NFIX: variants seen among roughly 807,000 people sequenced by gnomAD.
NFIX encodes nuclear factor I X.
Under a neutral mutation model 53.3 loss-of-function variants are expected in NFIX, and 2 were observed. The observed-to-expected ratio is 0.04, with a 90% confidence interval of 0.02 to 0.12. The LOEUF (loss-of-function observed/expected upper bound fraction) is 0.12. Among genes scored for constraint, NFIX ranks in the 10% least tolerant of loss-of-function variants. The pLI, the probability that NFIX is intolerant of heterozygous loss-of-function variation, is 1.00. For synonymous variants in NFIX, 244 were observed against 289.0 expected (o/e 0.84, Z 1.58); for missense variants, 310 against 674.5 (o/e 0.46, Z 5.99).
At chr19:13,075,853 GA>G (rs2017068519) in intron 6 of NFIX, among the ~76,000 whole-genome samples, 182 bp downstream of exon 6, 1 of 152,218 alleles carries the variant, frequency 6.6e-6, no homozygotes, top group African/African-American at 2.4e-5. Flanking sequence ...GAGTGGAGGT[GA>G]GGGTGAGGAG....
At position 13,019,729 on chromosome 19, in the gene NFIX, TTG is replaced by T. The variant is rs1284777450; in HGVS notation, c.28-5290_28-5289del. 8.7e-3 allele frequency among the ~76,000 whole-genome samples: 1,243 copies of T among 143,416 alleles called. 24 individuals are homozygous for T. Among genetic ancestry groups the T allele is most frequent in the African/African-American group, 0.031 (1,203 of 39,006 alleles). 94.1% of individuals were successfully genotyped at this position (143,416 alleles called of 152,430 possible). A position where few individuals can be genotyped will look rare whatever the true frequency, so the allele number is the denominator to read the frequency against. The stretch of plus-strand genomic sequence containing the variant: ...TGTTGCTGGTTTTTTTTTTGTTTGT[TTG>T]TTTTTTTTTTTTTTTTACCAAATAG... On this transcript the variant is annotated intron_variant, in intron 1 of 10. Transcript: ENST00000592199.
Position 13,078,468 on chromosome 19 carries a change from A to G in NFIX, c.956-145A>G, listed in dbSNP as rs2017247534. The G allele has an allele frequency of 5.5e-6, 6 of 1,085,460 alleles. No individual in the cohort carries two copies. The highest frequency in any genetic ancestry group is 6.6e-6 in the Non-Finnish European group (5 of 763,218). The allele number at this position is 1,085,460 out of a possible 1,614,324, so 67.2% of individuals were successfully genotyped here. ...CCTAGAACAAGGCCTGGGACTGGGC[A>G]AGGAGCAGCAGGAGGGAGCACAGTG... is the stretch of plus-strand genomic sequence containing the variant. On this transcript the variant is annotated intron_variant, in intron 6 of 10. Coordinates refer to ENST00000592199, the MANE Select transcript of NFIX (RefSeq NM_001365902.3). The surrounding 1 kb of genome is among the most constrained non-coding windows in gnomAD (Gnocchi z 4.7).
rs1165587292 is a variant in NFIX at position 13,068,658 on chromosome 19, A to G, written c.560-4389A>G. Among the ~76,000 whole-genome samples, 3 of 152,230 alleles carry G rather than the reference A, an allele frequency of 2.0e-5. No individual in the cohort carries two copies. The highest frequency in any genetic ancestry group is 4.4e-5 in the Non-Finnish European group (3 of 68,032). ...GAGTGGCCCCAGAACCTGGAGCCAA[A>G]TCCCGTTTCAAAGGCTTCTTCAGCA... On this transcript the variant is annotated intron_variant, in intron 2 of 10. Transcript: ENST00000592199. The surrounding 1 kb of genome is among the most constrained non-coding windows in gnomAD (Gnocchi z 4.2).
At chr19:13,058,557 C>G (rs571515158) in intron 2 of NFIX, among the ~76,000 whole-genome samples, 2 of 149,860 alleles carry the variant, frequency 1.3e-5, no homozygotes, top group South Asian at 4.2e-4. Flanking sequence ...GCTGGGACCA[C>G]AGCTGCATGC....
rs2017931112 is a variant in NFIX, at chr19:13,088,495, T to C, written c.1402+359T>C. On this transcript the variant is annotated intron_variant, in intron 9 of 10. Coordinates refer to ENST00000592199, the MANE Select transcript of NFIX (RefSeq NM_001365902.3). This position sits in a 1 kb window ranked among gnomAD's most constrained non-coding sequence, Gnocchi z 5.9. Reference sequence around the variant, plus strand: ...ATCTTCATGCCTGATTGCTGTTTTTTTTTTTTTGTTTTTTGTTTTTGTTTT... The same window carrying C: ...ATCTTCATGCCTGATTGCTGTTTTTCTTTTTTTGTTTTTTGTTTTTGTTTT... 1.3e-5 allele frequency among the ~76,000 whole-genome samples: 2 copies of C among 151,644 alleles called. No individual in the cohort carries two copies. The highest frequency in any genetic ancestry group is 6.6e-5 in the Admixed American group (1 of 15,238).
rs185212521 is a variant in NFIX at position 13,013,301 on chromosome 19, C to T, written c.28-11720C>T. On this transcript the variant is annotated intron_variant, in intron 1 of 10. Coordinates refer to ENST00000592199, the MANE Select transcript of NFIX (RefSeq NM_001365902.3). The surrounding 1 kb of genome is among the most constrained non-coding windows in gnomAD (Gnocchi z 5.9). Reference sequence around the variant, plus strand: ...TGTTGGTGGAGGAGGAAGCTGGCGTCGGGCTGAAGTCCCCCGAGCCACCCC... The same window carrying T: ...TGTTGGTGGAGGAGGAAGCTGGCGTTGGGCTGAAGTCCCCCGAGCCACCCC... 6.6e-6 allele frequency among the ~76,000 whole-genome samples: 1 copy of T among 152,288 alleles called. No homozygotes were observed. The highest frequency in any genetic ancestry group is 1.9e-4 in the East Asian group (1 of 5,176).
chr19:13,081,596 C>T lies in NFIX; in HGVS notation c.1079-84C>T, dbSNP rs560893426. ...CTCAGGATCCTCAGGACCCTCTGAC[C>T]GGCAGCTCCCCTCCTCTCCTGTCCC... On this transcript the variant is annotated intron_variant, in intron 7 of 10. Coordinates refer to ENST00000592199, the MANE Select transcript of NFIX (RefSeq NM_001365902.3). This position sits in a 1 kb window ranked among gnomAD's most constrained non-coding sequence, Gnocchi z 4.7. The T allele has an allele frequency of 3.2e-4, 453 of 1,428,508 alleles. 3 individuals are homozygous for T. In the African/African-American group the frequency reaches 5.3e-3, roughly 17 times the overall value. 88.5% of individuals were successfully genotyped at this position (1,428,508 alleles called of 1,614,324 possible). A position where few individuals can be genotyped will look rare whatever the true frequency, so the allele number is the denominator to read the frequency against.
At position 13,096,232 on chromosome 19, in the gene NFIX, A is replaced by T. The variant is rs1438407410; in HGVS notation, c.*1583A>T. On this transcript the variant is annotated 3_prime_UTR_variant, in exon 11 of 11. Transcript: ENST00000592199. ...CTCTTTCTCTCTCTTTCTTAATTGT[A>T]TGAAAACACAAAGCACAGGTCAGGA... The T allele has an allele frequency of 6.5e-6, 1 of 152,696 alleles. No homozygotes were observed. The highest frequency in any genetic ancestry group is 2.4e-5 in the African/African-American group (1 of 41,408). The allele number at this position is 152,696 out of a possible 1,614,324, so 9.5% of individuals were successfully genotyped here. A position where few individuals can be genotyped will look rare whatever the true frequency, so the allele number is the denominator to read the frequency against.
Position 13,013,167 on chromosome 19 carries a change from C to T in NFIX, c.28-11854C>T, listed in dbSNP as rs944026746. On this transcript the variant is annotated intron_variant, in intron 1 of 10. Coordinates refer to ENST00000592199, the MANE Select transcript of NFIX (RefSeq NM_001365902.3). The surrounding 1 kb of genome is among the most constrained non-coding windows in gnomAD (Gnocchi z 5.9). The stretch of plus-strand genomic sequence containing the variant: ...ATTTCTTGAATTTGGGGCGTCGAGG[C>T]CTCCCCACCCGTTGCTACCAGCCCT... Among the ~76,000 whole-genome samples the T allele has an allele frequency of 2.0e-5, 3 of 152,154 alleles. No homozygotes were observed. Among genetic ancestry groups the T allele is most frequent in the Non-Finnish European group, 2.9e-5 (2 of 68,026 alleles).
intron 2 of NFIX, among the ~76,000 whole-genome samples, chr19:13,058,996 C>T (rs2015888380): frequency 6.6e-6 from 1 of 152,136 alleles, no homozygotes; most frequent in South Asian, 2.1e-4. Flanking sequence ...TTGTCCCATC[C>T]CCCATCCTCA....
At chr19:13,024,194 G>C (rs1199300505) in intron 1 of NFIX, among the ~76,000 whole-genome samples, 1 of 152,010 alleles carries the variant, frequency 6.6e-6, no homozygotes, top group African/African-American at 2.4e-5. Context: ...GGGTGAAGGG[G>C]TTGTGGGAGG....
chr19:13,042,579 A>T (rs755865455), intron 2 of NFIX, among the ~76,000 whole-genome samples: 1 of 151,866 alleles, frequency 6.6e-6, no homozygotes, highest in Non-Finnish European at 1.5e-5. Flanking sequence ...CCTGGTCTTG[A>T]ACTCCTGGCT....
At position 13,011,536 on chromosome 19, in the gene NFIX, G is replaced by A. The variant is rs1443415822; in HGVS notation, c.28-13485G>A. Among the ~76,000 whole-genome samples the A allele has an allele frequency of 3.3e-5, 5 of 152,168 alleles. No homozygotes were observed. Among genetic ancestry groups the A allele is most frequent in the Non-Finnish European group, 5.9e-5 (4 of 68,010 alleles). On this transcript the variant is annotated intron_variant, in intron 1 of 10. Coordinates refer to ENST00000592199, the MANE Select transcript of NFIX (RefSeq NM_001365902.3). The surrounding 1 kb of genome is among the most constrained non-coding windows in gnomAD (Gnocchi z 6.5). ...GGTGGGTTTTGGAGGGGTGGGAGCA[G>A]AGGCAGGGGGGTGTGCCGGGACTCC...
chr19:13,077,977 G>A (rs2145454821), intron 6 of NFIX, among the ~76,000 whole-genome samples: 1 of 152,302 alleles, frequency 6.6e-6, no homozygotes, highest in African/African-American at 2.4e-5. Context: ...TCCCCTGGCT[G>A]GGGGAGTCTT....
At chr19:13,062,596 C>T (rs2016163065) in intron 2 of NFIX, among the ~76,000 whole-genome samples, 1 of 152,176 alleles carries the variant, frequency 6.6e-6, no homozygotes, top group East Asian at 1.9e-4. Flanking sequence ...CTCATGCCTT[C>T]CAGAGCTAGA....
chr19:13,024,113 C>CAAAAAAAAAAAAAAACAAA, intron 1 of NFIX: 1 of 412,068 alleles, frequency 2.4e-6, no homozygotes, highest in Non-Finnish European at 4.1e-6. Flanking sequence ...AGCAAACAAC[C>CAAAAAAAAAAAAAAACAAA]AAAAAAAAAA....
chr19:13,079,253 C>T (rs959784007), intron 7 of NFIX, among the ~76,000 whole-genome samples: 3 of 152,106 alleles, frequency 2.0e-5, no homozygotes, highest in African/African-American at 7.2e-5. Flanking sequence ...GCCTCCCTGC[C>T]GCTTTCTAGA....
At position 13,028,451 on chromosome 19, in the gene NFIX, A is replaced by G. The variant is rs1178642309; in HGVS notation, c.559+2899A>G. On this transcript the variant is annotated intron_variant, in intron 2 of 10. Coordinates refer to ENST00000592199, the MANE Select transcript of NFIX (RefSeq NM_001365902.3). This position sits in a 1 kb window ranked among gnomAD's most constrained non-coding sequence, Gnocchi z 4.2. ...GGCTTTGCTCCCAGGTGCCATTGTC[A>G]CCCATGGCCTTCCTGAGCCCTTGTT... Among the ~76,000 whole-genome samples, 2 of 152,046 alleles carry G rather than the reference A, an allele frequency of 1.3e-5. No individual in the cohort carries two copies. Among genetic ancestry groups the G allele is most frequent in the African/African-American group, 4.8e-5 (2 of 41,388 alleles).
At position 13,097,073 on chromosome 19, in the gene NFIX, A is replaced by G. The variant is rs1029162334; in HGVS notation, c.*2424A>G. 1 of 151,302 alleles carries G rather than the reference A, an allele frequency of 6.6e-6. No homozygotes were observed. Among genetic ancestry groups the G allele is most frequent in the Non-Finnish European group, 1.5e-5 (1 of 67,808 alleles). 9.4% of individuals were successfully genotyped at this position (151,302 alleles called of 1,614,324 possible). On this transcript the variant is annotated 3_prime_UTR_variant, in exon 11 of 11. Transcript: ENST00000592199. ...TAAGAGATTAAGAAAAAAAAATTCTATTTTTGTTGTAATGTCCTCGCGGCT... is the reference window on the plus strand; with the variant it reads ...TAAGAGATTAAGAAAAAAAAATTCTGTTTTTGTTGTAATGTCCTCGCGGCT...
Sources: gnomAD v4.1 joint callset for allele counts (sites outside exome capture counted in the v4.1 genomes callset) on GRCh38, gnomAD v4.1.1 for gene constraint, Gnocchi (gnomAD v3.1) non-coding constraint, MANE v1.5 for transcripts, NCBI Gene and HGNC (gene_info 2026-07-23, HGNC 2026-07-21) for gene names.